The following ROBO1 variants were observed in gnomAD, a reference collection of about 807,000 sequenced individuals.
The protein encoded by ROBO1 is roundabout homolog 1.
In ROBO1, 149 loss-of-function variants were observed where a neutral mutation model predicts 195.9. That is an observed-to-expected ratio of 0.76 (90% confidence interval 0.67 to 0.87). ROBO1 has a LOEUF of 0.87. Ranked by LOEUF, ROBO1 falls within the 40% of genes least tolerant of loss-of-function variation. The pLI, the probability that ROBO1 is intolerant of heterozygous loss-of-function variation, is 0.00. For synonymous variants in ROBO1, 816 were observed against 733.2 expected, an observed-to-expected ratio of 1.11 and a Z score of -1.82; for missense variants, 1,933 against 2,068.3, an observed-to-expected ratio of 0.93 and a Z score of 1.27.
chr3:79,362,201 A>G (rs1384054682), intron 2 of ROBO1, among the ~76,000 whole-genome samples: 4 of 152,178 alleles, frequency 2.6e-5, no homozygotes, highest in Admixed American at 2.6e-4. Flanking sequence ...GATACAAGAC[A>G]GTAGCTTTAA....
intron 3 of ROBO1, among the ~76,000 whole-genome samples, chr3:79,123,348 CAAAAG>C (rs2080155843): frequency 6.6e-6 from 1 of 151,864 alleles, no homozygotes; most frequent in Non-Finnish European, 1.5e-5. Context: ...CATGTGCACA[CAAAAG>C]AAAACAATAT....
intron 2 of ROBO1, among the ~76,000 whole-genome samples, chr3:79,334,043 C>T (rs140636524): frequency 0.015 from 2,316 of 152,024 alleles, 29 homozygotes; most frequent in Non-Finnish European, 0.024. Context: ...TGGTGGCTCA[C>T]GCCTGTAATC....
At chr3:78,776,447 C>T (rs536891309) in intron 4 of ROBO1, among the ~76,000 whole-genome samples, 76 of 152,156 alleles carry the variant, frequency 5.0e-4, no homozygotes, top group Middle Eastern at 3.4e-3. Flanking sequence ...GACGGGGTTT[C>T]GCCATGTTGG....
At chr3:78,600,432 G>A in intron 29 of ROBO1, 123 bp from the exon 30 acceptor site, 1 of 665,838 alleles carries the variant, frequency 1.5e-6, no homozygotes, top group Non-Finnish European at 2.6e-6. Flanking sequence ...GTATAAATGA[G>A]GACACTCTAT....
intron 29 of ROBO1, among the ~76,000 whole-genome samples, chr3:78,604,459 T>C (rs1381642052): frequency 2.6e-5 from 4 of 152,214 alleles, no homozygotes; most frequent in African/African-American, 9.6e-5. Context: ...ACATTCTATT[T>C]ATGAATCACT....
chr3:78,995,899 C>T (rs959876443), intron 3 of ROBO1, among the ~76,000 whole-genome samples: 2 of 151,918 alleles, frequency 1.3e-5, no homozygotes, highest in Admixed American at 6.6e-5. Flanking sequence ...GCAACACAGG[C>T]CAGACATTCA....
intron 2 of ROBO1, among the ~76,000 whole-genome samples, chr3:79,320,243 A>T (rs1322631855): frequency 6.6e-6 from 1 of 152,130 alleles, no homozygotes; most frequent in African/African-American, 2.4e-5. Context: ...TATGGGCTAC[A>T]GAGCTGTGGG....
chr3:79,473,569 A>G (rs969206414), intron 2 of ROBO1, among the ~76,000 whole-genome samples: 3 of 152,142 alleles, frequency 2.0e-5, no homozygotes, highest in Non-Finnish European at 4.4e-5. Flanking sequence ...TTGAGATCCA[A>G]AATGAATCAT....
chr3:79,464,649 A>G (rs1346698633), intron 2 of ROBO1, among the ~76,000 whole-genome samples: 1 of 151,888 alleles, frequency 6.6e-6, no homozygotes, highest in Admixed American at 6.5e-5. Context: ...CAAGTTCTAT[A>G]TCAGTTATAG....
At chr3:79,116,729 G>A (rs1376054499) in intron 3 of ROBO1, among the ~76,000 whole-genome samples, 1 of 151,772 alleles carries the variant, frequency 6.6e-6, no homozygotes, top group African/African-American at 2.4e-5. Context: ...TGTTGCCCAG[G>A]TTGGTCTCTA....
At chr3:78,800,755 G>A (rs1030875851) in intron 4 of ROBO1, among the ~76,000 whole-genome samples, 2 of 151,900 alleles carry the variant, frequency 1.3e-5, no homozygotes, top group Admixed American at 1.3e-4. Context: ...TAATAGAGAC[G>A]GGGTTTCACT....
chr3:78,920,488 G>T (rs1310004084), intron 4 of ROBO1, among the ~76,000 whole-genome samples: 1 of 151,760 alleles, frequency 6.6e-6, no homozygotes, highest in Non-Finnish European at 1.5e-5. Context: ...TTTATTTTTA[G>T]TAGAGACGGG....
chr3:79,000,066 T>C (rs189697845), intron 3 of ROBO1, among the ~76,000 whole-genome samples: 11 of 152,236 alleles, frequency 7.2e-5, no homozygotes, highest in Admixed American at 5.9e-4. Context: ...CATGCTGCTA[T>C]GAAGACCTAC....
At chr3:79,717,005 ATAAT>A (rs1190428771) in intron 1 of ROBO1, among the ~76,000 whole-genome samples, 1 of 151,998 alleles carries the variant, frequency 6.6e-6, no homozygotes, top group African/African-American at 2.4e-5. Context: ...TATTCTGCTT[ATAAT>A]TAATTAATCC....
At chr3:78,780,932 C>A (rs2083658661) in intron 4 of ROBO1, among the ~76,000 whole-genome samples, 1 of 152,018 alleles carries the variant, frequency 6.6e-6, no homozygotes, top group Non-Finnish European at 1.5e-5. Context: ...ACTATTCAAC[C>A]CCATGATGTT....
intron 5 of ROBO1, among the ~76,000 whole-genome samples, chr3:78,731,512 C>A (rs1035656879): frequency 6.6e-6 from 1 of 152,020 alleles, no homozygotes; most frequent in South Asian, 2.1e-4. Flanking sequence ...ATGGCAAAAA[C>A]TTTCTCCTAG....
chr3:78,685,349 A>G (rs1342606114), intron 10 of ROBO1, among the ~76,000 whole-genome samples: 1 of 152,118 alleles, frequency 6.6e-6, no homozygotes, highest in Non-Finnish European at 1.5e-5. Flanking sequence ...TCATTATCAT[A>G]AGTTGTGAGC....
chr3:78,734,167 CAG>C (rs1259509372), intron 5 of ROBO1, among the ~76,000 whole-genome samples: 1 of 152,088 alleles, frequency 6.6e-6, no homozygotes, highest in Non-Finnish European at 1.5e-5. Flanking sequence ...GGTTTCATCT[CAG>C]TGATTTTCAA....
At chr3:79,719,624 G>T (rs12492066) in intron 1 of ROBO1, among the ~76,000 whole-genome samples, 6 of 151,852 alleles carry the variant, frequency 4.0e-5, no homozygotes, top group Admixed American at 3.9e-4. Context: ...GGAATATAGA[G>T]ACTATGTAAT....
Sources: allele counts gnomAD v4.1 joint callset (sites outside exome capture counted in the v4.1 genomes callset), GRCh38; gene constraint gnomAD v4.1.1; transcripts MANE v1.5; gene names NCBI Gene and HGNC (gene_info 2026-07-23, HGNC 2026-07-21).